The following FARP1 variants were observed in gnomAD, a reference collection of about 807,000 sequenced individuals.
FARP1 encodes FERM, ARH/RhoGEF and pleckstrin domain protein 1.
FARP1 carries 52 observed loss-of-function variants against 128.8 expected under a neutral mutation model. The observed-to-expected ratio is 0.40, with a 90% CI of 0.32 to 0.51. The LOEUF (loss-of-function observed/expected upper bound fraction) is 0.51, where lower values mean the gene tolerates loss of function less well. FARP1 is among the 20% of genes least tolerant of loss of function. The probability of loss-of-function intolerance (pLI) is 0.45; values close to 1 mark genes in which losing one functional copy is unlikely to be tolerated. For missense variants in FARP1, 1,333 were observed against 1,367.9 expected, an observed-to-expected ratio of 0.97 and a Z score of 0.40; for synonymous variants, 580 against 551.8, an observed-to-expected ratio of 1.05 and a Z score of -0.72.
intron 6 of FARP1, among the ~76,000 whole-genome samples, chr13:98,379,770 C>G (rs1370800248): frequency 6.6e-6 from 1 of 151,982 alleles, no homozygotes; most frequent in African/African-American, 2.4e-5. Context: ...TTGTATTATT[C>G]AGGGAATAAT....
rs1465063595 is a variant in FARP1, at chr13:98,453,217, AAAAG to A, written c.*4902_*4905del. ...CCACCACTTAGAGAGTATCTAGGGA[AAAAG>A]AGAGAGAGAGAAGTCAACACATGTC... is the stretch of plus-strand genomic sequence containing the variant. On this transcript the variant is annotated 3_prime_UTR_variant, in exon 27 of 27. Coordinates refer to ENST00000319562, the MANE Select transcript of FARP1 (RefSeq NM_005766.4). 10 of 1,612,494 alleles carry A rather than the reference AAAAG, an allele frequency of 6.2e-6. No individual in the cohort carries two copies. The highest frequency in any genetic ancestry group is 8.5e-6 in the Non-Finnish European group (10 of 1,179,468).
intron 1 of FARP1, among the ~76,000 whole-genome samples, chr13:98,197,735 C>T (rs113352896): frequency 0.21 from 31,100 of 151,346 alleles, 3,879 homozygotes; most frequent in Middle Eastern, 0.35. Context: ...CCCGGGTTCA[C>T]GCCATTCTTC....
intron 17 of FARP1, among the ~76,000 whole-genome samples, chr13:98,430,037 G>A (rs1034298201): frequency 6.6e-6 from 1 of 152,178 alleles, no homozygotes; most frequent in African/African-American, 2.4e-5. Flanking sequence ...CCAGGAGTTT[G>A]AGACCACCAG....
rs1396585508 is a variant in FARP1 at position 98,388,280 on chromosome 13, C to T, written c.760-103C>T. 1.0e-4 allele frequency: 79 copies of T among 785,338 alleles called. No individual in the cohort carries two copies. In the South Asian group the frequency reaches 1.1e-3, roughly 10 times the overall value. The allele number at this position is 785,338 out of a possible 1,614,324, so 48.6% of individuals were successfully genotyped here. ...GCAAAAGTCATCTCTACTGAGCAGT[C>T]GCCTGCCAGCCCTCTTCCTTTAGCT... On this transcript the variant is annotated intron_variant, in intron 8 of 26. Transcript: ENST00000319562.
intron 2 of FARP1, among the ~76,000 whole-genome samples, chr13:98,295,461 G>A (rs974519446): frequency 6.6e-6 from 1 of 152,100 alleles, no homozygotes; most frequent in African/African-American, 2.4e-5. Context: ...GAAGCTCGCT[G>A]GGTTACTACC....
rs1272087197 is a variant in FARP1, at chr13:98,409,446, A to G, written c.1523A>G (p.Gln508Arg). Residue 508 changes from glutamine to arginine, a missense_variant, in exon 14 of 27, where the codon CAG (glutamine) becomes CGG (arginine). Gln to Arg is a conservative substitution (Grantham distance 43). This residue lies in a region of FARP1 where 1,009 missense variants were observed against 969.8 expected (regional missense o/e 1.04). Transcript: ENST00000319562. ...LSPNLSPDTK[Q>R]ASPLISPLLN... Reference sequence around the variant, plus strand: ...CCCAACCTGAGCCCCGACACCAAGCAGGCCTCTCCCTTGATCAGCCCGCTG... The same window carrying G: ...CCCAACCTGAGCCCCGACACCAAGCGGGCCTCTCCCTTGATCAGCCCGCTG... The G allele has an allele frequency of 1.9e-6, 3 of 1,613,978 alleles. No homozygotes were observed. Among genetic ancestry groups the G allele is most frequent in the East Asian group, 2.2e-5 (1 of 44,890 alleles).
intron 2 of FARP1, among the ~76,000 whole-genome samples, chr13:98,305,331 TC>T (rs1352750732): frequency 2.4e-5 from 3 of 124,750 alleles, no homozygotes; most frequent in Admixed American, 8.0e-5. Context: ...AGAATTTCTT[TC>T]TTTTTTTTTT....
At position 98,410,721 on chromosome 13, in the gene FARP1, CT is replaced by C. The variant is rs748454290; in HGVS notation, c.1603-12del. On this transcript the variant is annotated splice_polypyrimidine_tract_variant and intron_variant, in intron 14 of 26. Coordinates refer to ENST00000319562, the MANE Select transcript of FARP1 (RefSeq NM_005766.4). ...TGATTATTGCGCTTTGTTTCTTTTGCTGGGTTTTGCAGAGATTCCCAACTGA... is the reference window on the plus strand; with the variant it reads ...TGATTATTGCGCTTTGTTTCTTTTGCGGGTTTTGCAGAGATTCCCAACTGA... 1 of 1,495,458 alleles carries C rather than the reference CT, an allele frequency of 6.7e-7. No individual in the cohort carries two copies. Among genetic ancestry groups the C allele is most frequent in the Non-Finnish European group, 9.3e-7 (1 of 1,078,824 alleles). The allele number at this position is 1,495,458 out of a possible 1,614,324, so 92.6% of individuals were successfully genotyped here. A position where few individuals can be genotyped will look rare whatever the true frequency, so the allele number is the denominator to read the frequency against.
intron 2 of FARP1, among the ~76,000 whole-genome samples, chr13:98,274,279 T>C (rs1884531785): frequency 6.6e-6 from 1 of 152,170 alleles, no homozygotes; most frequent in Admixed American, 6.5e-5. Flanking sequence ...GGAGGCTTTG[T>C]TGGCGCACAG....
At chr13:98,389,855 G>A (rs1423488177) in intron 9 of FARP1, 102 bp from the exon 10 acceptor site, 36 of 1,176,510 alleles carry the variant, frequency 3.1e-5, no homozygotes, top group South Asian at 5.8e-5. Flanking sequence ...AATACACAGC[G>A]AAAACTTTAT....
At chr13:98,163,372 C>CT (rs1190206945) in intron 1 of FARP1, among the ~76,000 whole-genome samples, 1 of 152,072 alleles carries the variant, frequency 6.6e-6, no homozygotes, top group African/African-American at 2.4e-5. Flanking sequence ...GGGTACTAGG[C>CT]TTAGTACCTT....
Position 98,165,964 on chromosome 13 carries a change from C to G in FARP1, c.-24+22472C>G, listed in dbSNP as rs1320353036. Among the ~76,000 whole-genome samples, 5 of 152,086 alleles carry G rather than the reference C, an allele frequency of 3.3e-5. No individual in the cohort carries two copies. In the East Asian group the frequency reaches 5.8e-4, roughly 18 times the overall value. On this transcript the variant is annotated intron_variant, in intron 1 of 26. Coordinates refer to ENST00000319562, the MANE Select transcript of FARP1 (RefSeq NM_005766.4). Reference sequence around the variant, plus strand: ...CGACCTCCTGATCTCAGGTGATCCACCTGCCTTGGCCTCCCAAAGTGCTGG... The same window carrying G: ...CGACCTCCTGATCTCAGGTGATCCAGCTGCCTTGGCCTCCCAAAGTGCTGG...
intron 2 of FARP1, among the ~76,000 whole-genome samples, chr13:98,258,484 G>A (rs1883719310): frequency 6.6e-6 from 1 of 152,136 alleles, no homozygotes; most frequent in Non-Finnish European, 1.5e-5. Context: ...TTGTGACCTT[G>A]AATAGGTATT....
chr13:98,435,790 G>C, intron 19 of FARP1, 84 bp downstream of exon 19: 1 of 1,449,968 alleles, frequency 6.9e-7, no homozygotes, highest in Non-Finnish European at 9.7e-7. Context: ...CTTTTGAAGA[G>C]AGACCCTTGC....
intron 17 of FARP1, among the ~76,000 whole-genome samples, chr13:98,425,061 A>G (rs536464183): frequency 7.9e-4 from 120 of 152,190 alleles, no homozygotes; most frequent in Middle Eastern, 3.4e-3. Flanking sequence ...ACCCTTCTCC[A>G]ACCTTTCTAG....
At chr13:98,242,620 A>G (rs1882838651) in intron 2 of FARP1, among the ~76,000 whole-genome samples, 1 of 152,222 alleles carries the variant, frequency 6.6e-6, no homozygotes, top group Admixed American at 6.5e-5. Flanking sequence ...TTGATGCTGC[A>G]GAGCTGAGAT....
intron 1 of FARP1, among the ~76,000 whole-genome samples, chr13:98,207,813 CAT>C (rs1416996496): frequency 6.6e-6 from 1 of 151,696 alleles, no homozygotes; most frequent in Non-Finnish European, 1.5e-5. Flanking sequence ...GAACAGAAAA[CAT>C]ATATGGAATA....
rs1893281205 is a variant in FARP1, at chr13:98,453,200, T to G, written c.*4883T>G. On this transcript the variant is annotated 3_prime_UTR_variant, in exon 27 of 27. Transcript: ENST00000319562. ...AGTGGGATGAAGTTCCTCCACCACT[T>G]AGAGAGTATCTAGGGAAAAAGAGAG... is the stretch of plus-strand genomic sequence containing the variant. 4 of 1,613,376 alleles carry G rather than the reference T, an allele frequency of 2.5e-6. No individual in the cohort carries two copies. In the Admixed American group the frequency reaches 5.0e-5, roughly 20 times the overall value.
Position 98,213,358 on chromosome 13 carries a change from T to C in FARP1, c.116T>C (p.Leu39Pro). The stretch of plus-strand genomic sequence containing the variant: ...CCGCCCCCAACACCTTCAGGAAAAC[T>C]CGTGTCCATCAAAATCCAGATGCTG... ...QKPPPTPSGK[L>P]VSIKIQMLDD... The change falls in exon 2 of 27, where the codon CTC becomes CCC. Residue 39 changes from leucine (L) to proline (P), a missense_variant. Physicochemically the swap from Leu to Pro is moderately conservative, Grantham distance 98. This residue lies in a region of FARP1 where 324 missense variants were observed against 398.1 expected (regional missense o/e 0.81). Transcript: ENST00000319562. The C allele has an allele frequency of 6.2e-7, 1 of 1,614,084 alleles. No homozygotes were observed. Among genetic ancestry groups the C allele is most frequent in the Non-Finnish European group, 8.5e-7 (1 of 1,180,004 alleles).
Sources: gnomAD v4.1 joint callset for allele counts (sites outside exome capture counted in the v4.1 genomes callset) on GRCh38, gnomAD v4.1.1 for gene constraint, gnomAD v4.1.1 regional missense constraint, MANE v1.5 for transcripts, NCBI Gene and HGNC (gene_info 2026-07-23, HGNC 2026-07-21) for gene names.